The following BCORL1 variants were observed in gnomAD, a reference collection of about 807,000 sequenced individuals.
BCORL1 encodes the protein BCL6 corepressor like 1, also known as BCL-6 corepressor-like protein 1.
BCORL1 carries 7 observed loss-of-function variants against 87.6 expected under a neutral mutation model. The ratio of observed to expected loss-of-function variants is 0.08; its 90% CI spans 0.05 to 0.15. The LOEUF (loss-of-function observed/expected upper bound fraction) is 0.15. BCORL1 is among the 10% of genes least tolerant of loss of function. The pLI is 1.00. For missense variants in BCORL1, 1,215 were observed against 1,499.7 expected, an observed-to-expected ratio of 0.81 and a Z score of 3.13; for synonymous variants, 591 against 634.4, an observed-to-expected ratio of 0.93 and a Z score of 1.03.
chrX:129,988,864 C>T (rs1374363880), intron 1 of BCORL1, among the ~76,000 whole-genome samples: 2 of 111,809 alleles, frequency 1.8e-5, no homozygotes, highest in Admixed American at 9.5e-5. Flanking sequence ...TTTTGCTTTT[C>T]CAAGTTTTGT....
chrX:130,047,351 C>T (rs1345757983), intron 11 of BCORL1, among the ~76,000 whole-genome samples: 2 of 111,624 alleles, frequency 1.8e-5, no homozygotes, highest in Non-Finnish European at 3.8e-5. Flanking sequence ...AGGAAGGTCC[C>T]TCTTCATCTG....
chrX:129,984,189 C>CCGA (rs1224804386), intron 1 of BCORL1, among the ~76,000 whole-genome samples: 1 of 104,265 alleles, frequency 9.6e-6, no homozygotes, highest in Non-Finnish European at 2.0e-5. Context: ...GCCGCCGCCG[C>CCGA]CGCTGCTGCT....
intron 9 of BCORL1, 82 bp downstream of exon 9, chrX:130,034,758 G>A: frequency 1.4e-6 from 1 of 737,913 alleles, no homozygotes; most frequent in Non-Finnish European, 1.8e-6. Context: ...CTCTTCTGGT[G>A]CTTGAACCCA....
intron 1 of BCORL1, among the ~76,000 whole-genome samples, chrX:129,993,210 T>C (rs1049766414): frequency 8.9e-6 from 1 of 112,284 alleles, no homozygotes; most frequent in Non-Finnish European, 1.9e-5. Flanking sequence ...GCGTGACATC[T>C]AGAAGTTGTA....
intron 11 of BCORL1, among the ~76,000 whole-genome samples, chrX:130,040,007 G>T (rs1273889568): frequency 2.7e-5 from 3 of 112,749 alleles, no homozygotes; most frequent in Non-Finnish European, 5.6e-5. Flanking sequence ...ATGCTCAGTA[G>T]GAATCTCCTC....
intron 7 of BCORL1, 31 bp downstream of exon 7, chrX:130,025,410 G>GCGGC: frequency 8.9e-7 from 1 of 1,122,915 alleles, no homozygotes. Flanking sequence ...TGCTGTCGCC[G>GCGGC]CGGCCCGTTT....
Position 130,015,074 on chromosome X carries a change from A to C in BCORL1, c.2302A>C (p.Lys768Gln). ...EPKGTGATCG[K>Q]KGSQAGAEGQ... is the part of the protein sequence containing the mutation. Reference sequence around the variant, plus strand: ...TAAGGGCACTGGTGCCACGTGTGGCAAAAAGGGCAGCCAGGCTGGTGCTGA... The same window carrying C: ...TAAGGGCACTGGTGCCACGTGTGGCCAAAAGGGCAGCCAGGCTGGTGCTGA... Residue 768 changes from lysine (K) to glutamine (Q), a missense_variant, in exon 4 of 14, where the codon AAA becomes CAA. By Grantham distance (53) the Lys-to-Gln change is moderately conservative. Coordinates refer to ENST00000540052, the MANE Select transcript of BCORL1 (RefSeq NM_001379451.1). 1 of 1,212,303 alleles carries C rather than the reference A, an allele frequency of 8.2e-7. No homozygotes were observed. Among genetic ancestry groups the C allele is most frequent in the Admixed American group, 2.2e-5 (1 of 46,157 alleles).
At position 130,013,733 on chromosome X, in the gene BCORL1, G is replaced by A. The variant is rs1344901224; in HGVS notation, c.961G>A (p.Val321Met). Residue 321 changes from valine (V) to methionine (M), a missense_variant, in exon 4 of 14, where the codon GTG (valine) becomes ATG (methionine). Val to Met is a conservative substitution (Grantham distance 21, BLOSUM62 1). Around this residue, in one of 5 missense-constraint regions of BCORL1, gnomAD observed 861 missense variants for 1,010.0 expected, o/e 0.85. Coordinates refer to ENST00000540052, the MANE Select transcript of BCORL1 (RefSeq NM_001379451.1). The part of the protein sequence containing the change: ...APPLALIQAP[V>M]PPSAPTLVLA... ...TCCCTTGGCTCTCATCCAGGCTCCT[G>A]TGCCCCCTTCAGCTCCGACCTTGGT... is the stretch of plus-strand genomic sequence containing the variant. 8.4e-7 allele frequency: 1 copy of A among 1,197,301 alleles called. No individual in the cohort carries two copies. The highest frequency in any genetic ancestry group is 1.1e-6 in the Non-Finnish European group (1 of 889,126).
rs375941873 is a variant in BCORL1, at chrX:130,050,726, C to T, written c.4850C>T (p.Ser1617Leu). The T allele has an allele frequency of 3.1e-5, 38 of 1,210,981 alleles. No homozygotes were observed. The highest frequency in any genetic ancestry group is 2.3e-4 in the Middle Eastern group (1 of 4,345). ...TMKRFLSDHL[S>L]DLQGRAEGDP... Reference sequence around the variant, plus strand: ...GCTCTTCTTTCATCAGATCACCTCTCGGATCTTCAGGGCCGGGCAGAGGGT... The same window carrying T: ...GCTCTTCTTTCATCAGATCACCTCTTGGATCTTCAGGGCCGGGCAGAGGGT... The change falls in exon 12 of 14, where the codon TCG (serine) becomes TTG (leucine). Residue 1617 changes from serine (S) to leucine (L), a missense_variant. Ser to Leu is a moderately radical substitution (Grantham distance 145). Transcript: ENST00000540052.
intron 6 of BCORL1, among the ~76,000 whole-genome samples, chrX:130,023,794 T>C (rs1204802462): frequency 1.8e-5 from 2 of 112,745 alleles, no homozygotes; most frequent in African/African-American, 6.5e-5. Context: ...TCTTTGGAAA[T>C]TGGTGATCCC....
chrX:129,989,444 CTTTTTTTTTTT>C lies in BCORL1; in HGVS notation c.-45+6709_-45+6719del, dbSNP rs55654985. ...TACAGGCGTGAGCCACCGCACCCGT[CTTTTTTTTTTT>C]TTTTTTTTTTTTTTTTTTTTTTTTT... On this transcript the variant is annotated intron_variant, in intron 1 of 13. Coordinates refer to ENST00000540052, the MANE Select transcript of BCORL1 (RefSeq NM_001379451.1). 1.4e-3 allele frequency among the ~76,000 whole-genome samples: 24 copies of C among 17,776 alleles called. 1 individual carries two copies. Among genetic ancestry groups the C allele is most frequent in the East Asian group, 6.0e-3 (4 of 668 alleles). 15.4% of individuals were successfully genotyped at this position (17,776 alleles called of 115,157 possible). A position where few individuals can be genotyped will look rare whatever the true frequency, so the allele number is the denominator to read the frequency against.
chrX:130,031,392 C>G (rs928893033), intron 8 of BCORL1, among the ~76,000 whole-genome samples: 1 of 112,629 alleles, frequency 8.9e-6, no homozygotes, highest in Non-Finnish European at 1.9e-5. Context: ...CTTCTGTTCT[C>G]TACTGCTCCT....
In BCORL1 at chrX:130,014,778, C is replaced by G; in HGVS notation, c.2006C>G (p.Thr669Ser). ...STVLSRSQRT[T>S]QAAGGNVTSC... The stretch of plus-strand genomic sequence containing the variant: ...GTCCTGTCTAGGTCTCAGCGCACAA[C>G]CCAGGCTGCCGGTGGCAATGTCACC... Residue 669 changes from threonine (T) to serine (S), a missense_variant, in exon 4 of 14, where the codon ACC becomes AGC. This residue lies in a region of BCORL1 where 861 missense variants were observed against 1,010.0 expected (regional missense o/e 0.85). Coordinates refer to ENST00000540052, the MANE Select transcript of BCORL1 (RefSeq NM_001379451.1). The G allele has an allele frequency of 8.3e-7, 1 of 1,211,612 alleles. No homozygotes were observed. Among genetic ancestry groups the G allele is most frequent in the Non-Finnish European group, 1.1e-6 (1 of 895,462 alleles).
In BCORL1 at chrX:130,016,058, G is replaced by T; in HGVS notation, c.3286G>T (p.Val1096Leu). Residue 1096 changes from valine (V) to leucine (L), a missense_variant, in exon 4 of 14, where the codon GTA becomes TTA. This residue lies in a region of BCORL1 where 861 missense variants were observed against 1,010.0 expected (regional missense o/e 0.85). Transcript: ENST00000540052. ...AGQARVKQESVGVFACKNKWQ... is the reference protein window; with the variant it reads ...AGQARVKQESLGVFACKNKWQ... Reference sequence around the variant, plus strand: ...GCAGGCTCGAGTGAAACAGGAAAGCGTAGGGGTCTTTGCTTGCAAGAACAA... The same window carrying T: ...GCAGGCTCGAGTGAAACAGGAAAGCTTAGGGGTCTTTGCTTGCAAGAACAA... 1 of 1,211,874 alleles carries T rather than the reference G, an allele frequency of 8.3e-7. No individual in the cohort carries two copies. Among genetic ancestry groups the T allele is most frequent in the Non-Finnish European group, 1.1e-6 (1 of 895,593 alleles).
chrX:129,985,255 A>G (rs1926503338), intron 1 of BCORL1, among the ~76,000 whole-genome samples: 1 of 111,787 alleles, frequency 8.9e-6, no homozygotes, highest in African/African-American at 3.3e-5. Context: ...ATAAAATTTC[A>G]AGGTTGGAAG....
At chrX:130,050,875 T>C in intron 12 of BCORL1, 81 bp downstream of exon 12, 1 of 888,690 alleles carries the variant, frequency 1.1e-6, no homozygotes, top group Non-Finnish European at 1.6e-6. Context: ...CTTCACCTTT[T>C]AGTGGCTTAC....
chrX:129,985,392 A>C (rs1344518404), intron 1 of BCORL1, among the ~76,000 whole-genome samples: 1 of 111,615 alleles, frequency 9.0e-6, no homozygotes, highest in East Asian at 2.8e-4. Context: ...AGTTTAGGGT[A>C]CTTTAATTGA....
chrX:130,053,210 G>A (rs888460361), intron 13 of BCORL1, among the ~76,000 whole-genome samples: 15 of 111,657 alleles, frequency 1.3e-4, no homozygotes, highest in Middle Eastern at 4.6e-3. Context: ...CTAGGTAGAC[G>A]ATGGATGAGG....
intron 9 of BCORL1, 98 bp from the exon 10 acceptor site, chrX:130,037,269 G>A (rs897917213): frequency 2.1e-4 from 187 of 910,719 alleles, no homozygotes; most frequent in Non-Finnish European, 2.8e-4. Context: ...GGCAGGCTCT[G>A]AGACTCCTCA....
Sources: gnomAD v4.1 joint callset for allele counts (sites outside exome capture counted in the v4.1 genomes callset) on GRCh38, gnomAD v4.1.1 for gene constraint, gnomAD v4.1.1 regional missense constraint, MANE v1.5 for transcripts, NCBI Gene and HGNC (gene_info 2026-07-23, HGNC 2026-07-21) for gene names.